CCDC171: variants seen among roughly 807,000 people sequenced by gnomAD.
The protein encoded by CCDC171 is coiled-coil domain containing 171.
CCDC171 carries 177 observed loss-of-function variants against 168.2 expected under a neutral mutation model. The observed-to-expected ratio is 1.05, with a 90% CI of 0.93 to 1.19. The LOEUF (loss-of-function observed/expected upper bound fraction) is 1.19, where lower values mean the gene tolerates loss of function less well. CCDC171 is among the 50% of genes most tolerant of loss of function. The pLI, the probability that CCDC171 is intolerant of heterozygous loss-of-function variation, is 0.00. For synonymous variants in CCDC171, 687 were observed against 540.8 expected (o/e 1.27, Z -3.75); for missense variants, 1,991 against 1,539.0 (o/e 1.29, Z -4.91).
chr9:15,712,193 G>A (rs564805197), intron 11 of CCDC171, among the ~76,000 whole-genome samples: 9 of 152,302 alleles, frequency 5.9e-5, no homozygotes, highest in African/African-American at 1.9e-4. Flanking sequence ...AGTTAGGGAG[G>A]GCAATCTGCC....
chr9:15,556,643 C>T (rs1338263462), intron 1 of CCDC171, among the ~76,000 whole-genome samples: 1 of 151,942 alleles, frequency 6.6e-6, no homozygotes, highest in Non-Finnish European at 1.5e-5. Context: ...GATATTAGCC[C>T]TTTGTCAGAT....
the CCDC171 span, among the ~76,000 whole-genome samples, chr9:16,095,120 CT>C: frequency 2.0e-5 from 3 of 152,174 alleles, no homozygotes; most frequent in Admixed American, 6.5e-5. Context: ...AAATAAACCT[CT>C]TTTCTTTATA....
intron 3 of CCDC171, among the ~76,000 whole-genome samples, chr9:15,998,592 C>A (rs1449125350): frequency 6.6e-6 from 1 of 152,130 alleles, no homozygotes; most frequent in Non-Finnish European, 1.5e-5. Flanking sequence ...CATCAAATAG[C>A]CAATTGGTCT....
chr9:16,071,509 G>T, the CCDC171 span, among the ~76,000 whole-genome samples: 5 of 147,490 alleles, frequency 3.4e-5, no homozygotes, highest in African/African-American at 1.3e-4. Flanking sequence ...CACTCCCACA[G>T]TTGTGTTTTT....
chr9:15,749,999 C>CA (rs1441825294), intron 18 of CCDC171, among the ~76,000 whole-genome samples: 107 of 144,866 alleles, frequency 7.4e-4, no homozygotes, highest in African/African-American at 2.3e-3. Context: ...GATAGAGACA[C>CA]AAAAAAACCC....
intron 3 of CCDC171, among the ~76,000 whole-genome samples, chr9:15,981,051 G>A (rs879729638): frequency 6.6e-6 from 1 of 152,006 alleles, no homozygotes; most frequent in East Asian, 1.9e-4. Flanking sequence ...ATAACCATCA[G>A]ATATTGTGAG....
chr9:16,108,156 A>G, the CCDC171 span, among the ~76,000 whole-genome samples: 4 of 152,218 alleles, frequency 2.6e-5, no homozygotes, highest in African/African-American at 9.7e-5. Context: ...AGTAAATAAC[A>G]AAATTGGAGG....
At chr9:15,742,464 A>G (rs2054945192) in intron 16 of CCDC171, among the ~76,000 whole-genome samples, 1 of 152,164 alleles carries the variant, frequency 6.6e-6, no homozygotes, top group South Asian at 2.1e-4. Flanking sequence ...TCCTGCTTTA[A>G]TATAGCTATA....
At position 15,671,215 on chromosome 9, in the gene CCDC171, C is replaced by G. The variant is rs368186372; in HGVS notation, c.1076+4892C>G. ...TCACTTATTAAATTATTTGTAAACA[C>G]TAACAGAACCGAAAGTCTCTCATGT... On this transcript the variant is annotated intron_variant, in intron 9 of 25. Transcript: ENST00000380701. Among the ~76,000 whole-genome samples the G allele has an allele frequency of 1.6e-4, 25 of 152,262 alleles. 1 individual carries two copies. The highest frequency in any genetic ancestry group is 3.4e-3 in the Middle Eastern group (1 of 294).
intron 3 of CCDC171, among the ~76,000 whole-genome samples, chr9:16,015,925 G>C (rs1208389398): frequency 5.9e-5 from 9 of 152,130 alleles, no homozygotes; most frequent in African/African-American, 2.2e-4. Context: ...AGGTTCATTC[G>C]TGTTGTAGCG....
intron 8 of CCDC171, among the ~76,000 whole-genome samples, chr9:16,036,724 T>C (rs1170070942): frequency 6.6e-6 from 1 of 152,228 alleles, no homozygotes; most frequent in Non-Finnish European, 1.5e-5. Context: ...TCAAGAATTC[T>C]GAACCAAGAA....
At chr9:15,597,166 G>A (rs2042436287) in intron 6 of CCDC171, among the ~76,000 whole-genome samples, 1 of 152,000 alleles carries the variant, frequency 6.6e-6, no homozygotes, top group African/African-American at 2.4e-5. Context: ...GCCCTGGCCA[G>A]AACTTCCAAC....
intron 2 of CCDC171, among the ~76,000 whole-genome samples, chr9:15,565,551 G>A (rs2039664949): frequency 6.6e-6 from 1 of 152,078 alleles, no homozygotes; most frequent in African/African-American, 2.4e-5. Flanking sequence ...TTTAAAATCT[G>A]CTACTAATCT....
chr9:15,792,383 A>G (rs2058314241), intron 21 of CCDC171, among the ~76,000 whole-genome samples: 1 of 152,180 alleles, frequency 6.6e-6, no homozygotes, highest in Non-Finnish European at 1.5e-5. Flanking sequence ...AATGGAACCA[A>G]GTTGGAAAAC....
At chr9:15,994,712 G>T (rs576489140) in intron 3 of CCDC171, among the ~76,000 whole-genome samples, 1 of 152,294 alleles carries the variant, frequency 6.6e-6, no homozygotes, top group East Asian at 1.9e-4. Context: ...TACATTGTCT[G>T]CAGTGTTAAC....
chr9:15,807,866 C>T (rs1588623206), intron 21 of CCDC171, among the ~76,000 whole-genome samples: 1 of 151,272 alleles, frequency 6.6e-6, no homozygotes, highest in Admixed American at 6.6e-5. Context: ...TTCCTTCTTG[C>T]TCCATGGTCC....
intron 18 of CCDC171, among the ~76,000 whole-genome samples, chr9:15,759,101 G>GTCTC (rs1564358143): frequency 6.6e-6 from 1 of 151,840 alleles, no homozygotes; most frequent in African/African-American, 2.4e-5. Context: ...AATGTATTTC[G>GTCTC]TCTCCCTCCC....
intron 23 of CCDC171, among the ~76,000 whole-genome samples, chr9:15,852,178 C>T (rs2061157900): frequency 6.6e-6 from 1 of 151,728 alleles, no homozygotes; most frequent in African/African-American, 2.4e-5. Context: ...ACAGTTGCTG[C>T]ACCATTTTAA....
intron 4 of CCDC171, chr9:16,022,239 T>C (rs1462847928): frequency 6.6e-6 from 1 of 152,270 alleles, no homozygotes; most frequent in Non-Finnish European, 1.5e-5. Flanking sequence ...TTGAACGTAC[T>C]GGTTCAGTTC....
Sources: gnomAD v4.1 joint callset for allele counts (sites outside exome capture counted in the v4.1 genomes callset) on GRCh38, gnomAD v4.1.1 for gene constraint, MANE v1.5 for transcripts, NCBI Gene and HGNC (gene_info 2026-07-23, HGNC 2026-07-21) for gene names.